Variants in TBL1X observed in about 807,000 individuals in gnomAD.
The protein encoded by TBL1X is transducin beta like 1 X-linked, also known as F-box-like/WD repeat-containing protein TBL1X.
In TBL1X, 10 loss-of-function variants were observed where a neutral mutation model predicts 50.7. The ratio of observed to expected loss-of-function variants is 0.20; its 90% CI spans 0.12 to 0.33. TBL1X has a LOEUF of 0.33. Ranked by LOEUF, TBL1X falls within the 10% of genes least tolerant of loss-of-function variation. The pLI, the probability that TBL1X is intolerant of heterozygous loss-of-function variation, is 1.00. For synonymous variants in TBL1X, 190 were observed against 214.7 expected, an observed-to-expected ratio of 0.88 and a Z score of 1.01; for missense variants, 340 against 504.4, an observed-to-expected ratio of 0.67 and a Z score of 3.12.
At chrX:9,517,731 G>A (rs1048073406) in intron 2 of TBL1X, among the ~76,000 whole-genome samples, 8 of 112,331 alleles carry the variant, frequency 7.1e-5, no homozygotes, top group African/African-American at 2.6e-4. Flanking sequence ...TCAGGATTCT[G>A]CAGGACAGTG....
chrX:9,711,023 T>C (rs1487238350), intron 15 of TBL1X, among the ~76,000 whole-genome samples: 1 of 112,009 alleles, frequency 8.9e-6, no homozygotes, highest in Non-Finnish European at 1.9e-5. Context: ...TCTACAAAAA[T>C]ATTTACCATT....
In TBL1X at chrX:9,691,227, G is replaced by A. The variant is rs1280301685; in HGVS notation, c.617-352G>A. On this transcript the variant is annotated intron_variant, in intron 7 of 17. Transcript: ENST00000645353. ...GGGGCAGGTGGATCACTTGAGGCCA[G>A]GAGTTTGAGACCGACCCTGGCAACA... is the stretch of plus-strand genomic sequence containing the variant. Among the ~76,000 whole-genome samples, 16 of 110,943 alleles carry A rather than the reference G, an allele frequency of 1.4e-4. No homozygotes were observed. The Admixed American group carries it at 1.5e-3, about 11-fold the overall frequency.
chrX:9,527,144 C>G (rs1380367106), intron 2 of TBL1X, among the ~76,000 whole-genome samples: 1 of 112,207 alleles, frequency 8.9e-6, no homozygotes, highest in Non-Finnish European at 1.9e-5. Flanking sequence ...CCCTTTGCTT[C>G]CCTAGCCCAC....
At chrX:9,590,567 A>C (rs1176421734) in intron 2 of TBL1X, among the ~76,000 whole-genome samples, 1 of 112,412 alleles carries the variant, frequency 8.9e-6, no homozygotes, top group Non-Finnish European at 1.9e-5. Context: ...TGAACAAAAT[A>C]TCATGAAGTC....
intron 2 of TBL1X, among the ~76,000 whole-genome samples, chrX:9,533,502 T>C (rs913783717): frequency 2.7e-5 from 3 of 111,999 alleles, no homozygotes; most frequent in Admixed American, 9.5e-5. Flanking sequence ...GGGGAAGTTT[T>C]GGTTTCCTTC....
At chrX:9,673,090 C>T (rs756365642) in intron 5 of TBL1X, among the ~76,000 whole-genome samples, 64 of 112,239 alleles carry the variant, frequency 5.7e-4, no homozygotes, top group Non-Finnish European at 1.1e-3. Context: ...GCTCCACCCT[C>T]ATCACCTCCC....
chrX:9,709,328 G>A lies in TBL1X; in HGVS notation c.1311+6G>A, dbSNP rs1198307287. On this transcript the variant is annotated splice_donor_region_variant and intron_variant, in intron 14 of 17. Coordinates refer to ENST00000645353, the MANE Select transcript of TBL1X (RefSeq NM_005647.4). ...CGGATGACATGACATTGAAGGTAGA[G>A]TCGGCATGGCAAGGGGTGGGCTGTT... The A allele has an allele frequency of 8.3e-7, 1 of 1,209,561 alleles. No homozygotes were observed. The highest frequency in any genetic ancestry group is 1.1e-6 in the Non-Finnish European group (1 of 894,717).
At chrX:9,545,204 G>A (rs190926044) in intron 2 of TBL1X, among the ~76,000 whole-genome samples, 3 of 108,938 alleles carry the variant, frequency 2.8e-5, no homozygotes, top group East Asian at 5.8e-4. Flanking sequence ...ATGGGGTTTC[G>A]CCATGCTGGC....
chrX:9,488,318 C>T (rs1394671016), intron 1 of TBL1X, among the ~76,000 whole-genome samples: 1 of 112,405 alleles, frequency 8.9e-6, no homozygotes, highest in East Asian at 2.8e-4. Context: ...CACAACTTTC[C>T]TGGAAGCTCT....
chrX:9,658,087 C>G (rs1386532387), intron 5 of TBL1X, among the ~76,000 whole-genome samples: 1 of 111,668 alleles, frequency 9.0e-6, no homozygotes, highest in Non-Finnish European at 1.9e-5. Flanking sequence ...CACACCTTCT[C>G]TTTCCTGCAG....
At chrX:9,527,707 A>G (rs2082139497) in intron 2 of TBL1X, among the ~76,000 whole-genome samples, 1 of 111,061 alleles carries the variant, frequency 9.0e-6, no homozygotes, top group African/African-American at 3.3e-5. Context: ...ACAACATGTG[A>G]GTGACTGAGT....
At chrX:9,468,110 G>A (rs2081789051) in intron 1 of TBL1X, among the ~76,000 whole-genome samples, 5 of 112,416 alleles carry the variant, frequency 4.4e-5, no homozygotes, top group Admixed American at 3.8e-4. Flanking sequence ...TAAGATGGAA[G>A]AGAGAATATG....
chrX:9,496,240 G>A (rs1170777030), intron 1 of TBL1X, among the ~76,000 whole-genome samples: 1 of 111,944 alleles, frequency 8.9e-6, no homozygotes, highest in African/African-American at 3.2e-5. Context: ...GACTGAGTAG[G>A]GAAAGCTCCA....
chrX:9,563,132 C>T (rs2082332338), intron 2 of TBL1X, among the ~76,000 whole-genome samples: 1 of 112,763 alleles, frequency 8.9e-6, no homozygotes, highest in African/African-American at 3.2e-5. Context: ...TGCGGAAAGA[C>T]ACGGGGAGTA....
At chrX:9,646,638 GAGCCT>G (rs1181316650) in intron 3 of TBL1X, among the ~76,000 whole-genome samples, 1 of 111,740 alleles carries the variant, frequency 8.9e-6, no homozygotes, top group Admixed American at 9.5e-5. Flanking sequence ...CCAAAGACCT[GAGCCT>G]TGTCCAGGCC....
intron 6 of TBL1X, among the ~76,000 whole-genome samples, chrX:9,685,593 G>T (rs181721031): frequency 9.0e-6 from 1 of 110,920 alleles, no homozygotes; most frequent in Non-Finnish European, 1.9e-5. Flanking sequence ...CCTCTGTCCC[G>T]TCTTTCTGGG....
chrX:9,680,845 C>T (rs1020815502), intron 5 of TBL1X, among the ~76,000 whole-genome samples: 2 of 111,936 alleles, frequency 1.8e-5, no homozygotes, highest in Non-Finnish European at 3.8e-5. Context: ...TTCGAGGTAC[C>T]CCTGTAGAAC....
chrX:9,492,830 G>A (rs1487144382), intron 1 of TBL1X, among the ~76,000 whole-genome samples: 1 of 99,963 alleles, frequency 1.0e-5, no homozygotes, highest in Non-Finnish European at 2.0e-5. Context: ...TTGAGATTGG[G>A]GCTAGAGGGT....
At chrX:9,529,848 G>A (rs948640232) in intron 2 of TBL1X, among the ~76,000 whole-genome samples, 1 of 110,260 alleles carries the variant, frequency 9.1e-6, no homozygotes, top group Non-Finnish European at 1.9e-5. Context: ...TCAGGAGGCT[G>A]AGGCGGGAGC....
Sources: allele counts gnomAD v4.1 joint callset (sites outside exome capture counted in the v4.1 genomes callset), GRCh38; gene constraint gnomAD v4.1.1; transcripts MANE v1.5; gene names NCBI Gene and HGNC (gene_info 2026-07-23, HGNC 2026-07-21).